Variants in IL5RA observed in about 807,000 individuals in gnomAD.
The protein encoded by IL5RA is interleukin-5 receptor subunit alpha.
IL5RA carries 49 observed loss-of-function variants against 50.0 expected under a neutral mutation model. The ratio of observed to expected loss-of-function variants is 0.98; its 90% CI spans 0.78 to 1.24. IL5RA has a LOEUF of 1.24. Among genes scored for constraint, IL5RA ranks in the 50% most tolerant of loss-of-function variants. The pLI, the probability that IL5RA is intolerant of heterozygous loss-of-function variation, is 0.00. For synonymous variants in IL5RA, 202 were observed against 174.0 expected, an observed-to-expected ratio of 1.16 and a Z score of -1.26; for missense variants, 600 against 500.4, an observed-to-expected ratio of 1.20 and a Z score of -1.90.
chr3:3,071,515 T>A (rs571910160), intron 11 of IL5RA, among the ~76,000 whole-genome samples: 1 of 152,156 alleles, frequency 6.6e-6, no homozygotes, highest in South Asian at 2.1e-4. Flanking sequence ...AATAAGCCTT[T>A]CTTTTTGACT....
At chr3:3,100,087 A>G (rs1703570653) in intron 5 of IL5RA, among the ~76,000 whole-genome samples, 1 of 152,196 alleles carries the variant, frequency 6.6e-6, no homozygotes, top group Non-Finnish European at 1.5e-5. Context: ...TGGTCTTTAA[A>G]ATACACTGTG....
At chr3:3,087,577 T>C (rs1362096995) in intron 9 of IL5RA, among the ~76,000 whole-genome samples, 1 of 152,112 alleles carries the variant, frequency 6.6e-6, no homozygotes, top group Non-Finnish European at 1.5e-5. Flanking sequence ...TTCTTGGCTG[T>C]TTGACAACTG....
intron 9 of IL5RA, among the ~76,000 whole-genome samples, chr3:3,089,398 C>T (rs1702999341): frequency 6.6e-6 from 1 of 152,234 alleles, no homozygotes; most frequent in African/African-American, 2.4e-5. Context: ...CAGTGGAAAT[C>T]TACCTGCTGT....
rs1282845305 is a variant in IL5RA at position 3,069,373 on chromosome 3, T to A, written c.*852A>T. 1 of 152,238 alleles carries A rather than the reference T, an allele frequency of 6.6e-6. No individual in the cohort carries two copies. Among genetic ancestry groups the A allele is most frequent in the Admixed American group, 6.5e-5 (1 of 15,282 alleles). 9.4% of individuals were successfully genotyped at this position (152,238 alleles called of 1,614,324 possible). On this transcript the variant is annotated 3_prime_UTR_variant, in exon 12 of 12. Transcript: ENST00000446632. Reference sequence around the variant, plus strand: ...GATCTGGCATTACTTGACCAACAAGTTGTTCTGAAGTCTTTGGCAGCAAAC... The same window carrying A: ...GATCTGGCATTACTTGACCAACAAGATGTTCTGAAGTCTTTGGCAGCAAAC...
Position 3,109,930 on chromosome 3 carries a change from T to G in IL5RA, c.-146+15A>C, listed in dbSNP as rs1397856345. ...GCTTACTCTGTGGTGAGTGAAGCAT[T>G]TGATTCCCACTTACTGAGAAATGCG... On this transcript the variant is annotated intron_variant, in intron 1 of 11. Transcript: ENST00000446632. 1.3e-5 allele frequency: 2 copies of G among 152,218 alleles called. No individual in the cohort carries two copies. The highest frequency in any genetic ancestry group is 2.4e-5 in the African/African-American group (1 of 41,442). 9.4% of individuals were successfully genotyped at this position (152,218 alleles called of 1,614,324 possible).
intron 11 of IL5RA, among the ~76,000 whole-genome samples, chr3:3,070,958 C>T (rs917754444): frequency 1.1e-4 from 17 of 152,058 alleles, no homozygotes; most frequent in African/African-American, 3.4e-4. Context: ...TGTGCTTTGG[C>T]GGCATCACTT....
At chr3:3,101,503 G>C (rs140937099) in intron 5 of IL5RA, among the ~76,000 whole-genome samples, 189 bp downstream of exon 5, 11 of 152,356 alleles carry the variant, frequency 7.2e-5, no homozygotes, top group African/African-American at 2.6e-4. Context: ...GCAAGAATGT[G>C]CCAGATGGAA....
chr3:3,071,370 T>G (rs1310039668), intron 11 of IL5RA, among the ~76,000 whole-genome samples: 1 of 152,204 alleles, frequency 6.6e-6, no homozygotes, highest in Non-Finnish European at 1.5e-5. Flanking sequence ...ATGCCTGTAA[T>G]CCCAACACTT....
chr3:3,084,085 G>T (rs1203899325), intron 9 of IL5RA, among the ~76,000 whole-genome samples: 1 of 151,496 alleles, frequency 6.6e-6, no homozygotes, highest in Non-Finnish European at 1.5e-5. Context: ...TTTAGTCCTG[G>T]TTCTGCCACT....
intron 8 of IL5RA, among the ~76,000 whole-genome samples, chr3:3,093,445 A>G (rs17885127): frequency 1.0e-3 from 159 of 152,346 alleles, no homozygotes; most frequent in African/African-American, 3.7e-3. Context: ...GTGAACTGAC[A>G]CTTTACATGT....
chr3:3,103,530 A>G (rs997170622), intron 3 of IL5RA, among the ~76,000 whole-genome samples: 2 of 152,210 alleles, frequency 1.3e-5, no homozygotes, highest in African/African-American at 4.8e-5. Flanking sequence ...AAATGTATTT[A>G]CCTCTTATTA....
intron 11 of IL5RA, among the ~76,000 whole-genome samples, chr3:3,072,270 C>G (rs1702326974): frequency 6.6e-6 from 1 of 152,202 alleles, no homozygotes; most frequent in Non-Finnish European, 1.5e-5. Flanking sequence ...TTCATTTCTC[C>G]CATTCTGTGT....
intron 9 of IL5RA, among the ~76,000 whole-genome samples, chr3:3,087,703 G>A (rs1225937633): frequency 6.6e-6 from 1 of 152,072 alleles, no homozygotes; most frequent in Non-Finnish European, 1.5e-5. Context: ...AATGGAGTGG[G>A]AGGGCTACAG....
chr3:3,080,512 A>G (rs767515449), intron 9 of IL5RA, among the ~76,000 whole-genome samples: 1 of 152,144 alleles, frequency 6.6e-6, no homozygotes, highest in Non-Finnish European at 1.5e-5. Context: ...CATGATCCCT[A>G]TAGCTCTCTG....
At chr3:3,101,611 T>A in intron 5 of IL5RA, 81 bp downstream of exon 5, 2 of 1,403,222 alleles carry the variant, frequency 1.4e-6, no homozygotes. Context: ...TAAAGAAAAG[T>A]GGGTTAGTGT....
At chr3:3,104,250 G>A (rs946590627) in intron 3 of IL5RA, among the ~76,000 whole-genome samples, 2 of 152,168 alleles carry the variant, frequency 1.3e-5, no homozygotes, top group African/African-American at 4.8e-5. Flanking sequence ...TGTTAGCCAG[G>A]TGGGTCTCAA....
chr3:3,105,051 G>A, intron 2 of IL5RA, 64 bp from the exon 3 acceptor site: 1 of 1,023,684 alleles, frequency 9.8e-7, no homozygotes, highest in Non-Finnish European at 1.5e-6. Context: ...ACTGATAGCT[G>A]CTTTCTAACA....
At chr3:3,078,577 TA>T (rs1702562531) in intron 9 of IL5RA, among the ~76,000 whole-genome samples, 2 of 152,222 alleles carry the variant, frequency 1.3e-5, no homozygotes, top group African/African-American at 4.8e-5. Context: ...CTCACGCCTG[TA>T]ATCCCAGCAC....
At chr3:3,099,013 G>A (rs1475537086) in intron 5 of IL5RA, among the ~76,000 whole-genome samples, 1 of 152,166 alleles carries the variant, frequency 6.6e-6, no homozygotes, top group African/African-American at 2.4e-5. Context: ...GGTTGGTACA[G>A]GAAGGTCTTG....
Sources: allele counts gnomAD v4.1 joint callset (sites outside exome capture counted in the v4.1 genomes callset), GRCh38; gene constraint gnomAD v4.1.1; transcripts MANE v1.5; gene names NCBI Gene and HGNC (gene_info 2026-07-23, HGNC 2026-07-21).